The following GOLGA4 variants were observed in gnomAD, a reference collection of about 807,000 sequenced individuals.
GOLGA4 encodes the protein golgin subfamily A member 4.
GOLGA4 carries 169 observed loss-of-function variants against 265.9 expected under a neutral mutation model. That is an observed-to-expected ratio of 0.64 (90% CI 0.56 to 0.72). GOLGA4 has a LOEUF of 0.72. Among genes scored for constraint, GOLGA4 ranks in the 30% least tolerant of loss-of-function variants. GOLGA4 has a pLI of 0.00. For synonymous variants in GOLGA4, 923 were observed against 855.8 expected, an observed-to-expected ratio of 1.08 and a Z score of -1.37; for missense variants, 2,482 against 2,483.4, an observed-to-expected ratio of 1.00 and a Z score of 0.01.
chr3:37,295,198 T>A (rs1190673913), intron 6 of GOLGA4, 121 bp downstream of exon 6: 4 of 539,950 alleles, frequency 7.4e-6, no homozygotes, highest in Non-Finnish European at 1.3e-5. Flanking sequence ...TTTAAAACTT[T>A]TTGCTTTCCT....
chr3:37,332,911 A>G (rs762442137), intron 16 of GOLGA4, among the ~76,000 whole-genome samples: 12 of 151,762 alleles, frequency 7.9e-5, no homozygotes, highest in Non-Finnish European at 1.6e-4. Context: ...ACTCATATAT[A>G]TTTGTTACTT....
chr3:37,363,951 T>G (rs992563762), intron 23 of GOLGA4, among the ~76,000 whole-genome samples: 2 of 152,316 alleles, frequency 1.3e-5, no homozygotes, highest in Admixed American at 1.3e-4. Context: ...GGTTTCAAAA[T>G]AAAAACTGAC....
intron 21 of GOLGA4, 108 bp downstream of exon 21, chr3:37,347,404 A>T: frequency 1.6e-6 from 1 of 618,134 alleles, no homozygotes; most frequent in Non-Finnish European, 2.9e-6. Flanking sequence ...CAAATCAGAC[A>T]TGCTAATAGT....
rs539946767 is a variant in GOLGA4, at chr3:37,357,605, T to G, written c.6663+2418T>G. Among the ~76,000 whole-genome samples, 3 of 152,312 alleles carry G rather than the reference T, an allele frequency of 2.0e-5. No individual in the cohort carries two copies. In the East Asian group the frequency reaches 5.8e-4, roughly 29 times the overall value. On this transcript the variant is annotated intron_variant, in intron 22 of 23. Transcript: ENST00000361924. Reference sequence around the variant, plus strand: ...ACTTTTGTCAATTTAAGGAGATTCTTGATACTTGATAATGTGACTCATGAT... The same window carrying G: ...ACTTTTGTCAATTTAAGGAGATTCTGGATACTTGATAATGTGACTCATGAT...
intron 2 of GOLGA4, among the ~76,000 whole-genome samples, chr3:37,253,183 G>A (rs565868471): frequency 3.9e-5 from 6 of 151,976 alleles, no homozygotes; most frequent in Non-Finnish European, 7.4e-5. Flanking sequence ...CTTGAGCCTC[G>A]GAGGTCGAAG....
chr3:37,306,885 A>T (rs1328186225), intron 10 of GOLGA4, among the ~76,000 whole-genome samples: 1 of 152,146 alleles, frequency 6.6e-6, no homozygotes, highest in Non-Finnish European at 1.5e-5. Context: ...TTTGAGATAT[A>T]GCTTATTAGA....
intron 1 of GOLGA4, chr3:37,249,642 C>G (rs1578329466): frequency 2.6e-5 from 4 of 152,290 alleles, no homozygotes; most frequent in African/African-American, 9.6e-5. Flanking sequence ...CTTAAGGTGA[C>G]TTCTGCACAT....
chr3:37,252,034 A>G (rs1232784597), intron 2 of GOLGA4, among the ~76,000 whole-genome samples: 2 of 152,244 alleles, frequency 1.3e-5, no homozygotes, highest in Non-Finnish European at 2.9e-5. Context: ...AATTTGTTCA[A>G]CATAGCATCA....
chr3:37,315,460 A>C lies in GOLGA4; in HGVS notation c.1275A>C (p.Lys425Asn). The C allele has an allele frequency of 6.2e-7, 1 of 1,614,074 alleles. No individual in the cohort carries two copies. Among genetic ancestry groups the C allele is most frequent in the South Asian group, 1.1e-5 (1 of 91,064 alleles). Residue 425 changes from lysine to asparagine, a missense_variant, in exon 11 of 24, where the codon AAA (lysine) becomes AAC (asparagine). By Grantham distance (94) the Lys-to-Asn change is moderately conservative. Coordinates refer to ENST00000361924, the MANE Select transcript of GOLGA4 (RefSeq NM_002078.5). Reference protein sequence around the residue: ...ELEKALSTAQKTEEARRKLKA... With the variant: ...ELEKALSTAQNTEEARRKLKA... ...AAAAAGCTTTGAGTACAGCCCAAAA[A>C]ACAGAGGAAGCACGGAGAAAACTGA...
chr3:37,323,239 A>G (rs987086720), intron 13 of GOLGA4, among the ~76,000 whole-genome samples: 10 of 150,526 alleles, frequency 6.6e-5, no homozygotes, highest in African/African-American at 2.4e-4. Context: ...GGATTCCCCA[A>G]CCTCAGCCTC....
chr3:37,272,618 TAATC>T (rs1258473852), intron 2 of GOLGA4, among the ~76,000 whole-genome samples: 8 of 152,190 alleles, frequency 5.3e-5, no homozygotes, highest in Non-Finnish European at 8.8e-5. Flanking sequence ...TCAAACTACT[TAATC>T]AATGTTCAAA....
intron 2 of GOLGA4, among the ~76,000 whole-genome samples, chr3:37,258,017 A>G (rs1356888214): frequency 1.7e-5 from 1 of 59,914 alleles, no homozygotes; most frequent in Non-Finnish European, 3.6e-5. Context: ...ATACATATAT[A>G]TATGTATGTA....
intron 9 of GOLGA4, among the ~76,000 whole-genome samples, chr3:37,301,316 G>A (rs988363035): frequency 6.6e-6 from 1 of 152,206 alleles, no homozygotes; most frequent in Non-Finnish European, 1.5e-5. Flanking sequence ...CTAGCAAGTT[G>A]GAGGAATGGA....
At chr3:37,353,323 C>T (rs1197755043) in intron 21 of GOLGA4, among the ~76,000 whole-genome samples, 2 of 152,002 alleles carry the variant, frequency 1.3e-5, no homozygotes, top group South Asian at 4.1e-4. Flanking sequence ...TCCCACACAC[C>T]TTCAATCTGC....
chr3:37,291,159 C>T (rs1244963898), intron 5 of GOLGA4, among the ~76,000 whole-genome samples: 1 of 152,010 alleles, frequency 6.6e-6, no homozygotes, highest in Non-Finnish European at 1.5e-5. Flanking sequence ...GTTTTAATGC[C>T]TAAAACCTGA....
intron 2 of GOLGA4, among the ~76,000 whole-genome samples, chr3:37,267,656 TTTTC>T (rs1399596807): frequency 1.3e-5 from 2 of 152,222 alleles, no homozygotes; most frequent in African/African-American, 4.8e-5. Flanking sequence ...GGATTGAGGT[TTTTC>T]TTTCTTTTTT....
intron 1 of GOLGA4, among the ~76,000 whole-genome samples, chr3:37,251,109 C>G (rs1360849046): frequency 6.6e-6 from 1 of 152,124 alleles, no homozygotes; most frequent in Non-Finnish European, 1.5e-5. Flanking sequence ...TATCATCTTA[C>G]ACTAGTATCG....
In GOLGA4 at chr3:37,337,703, C is replaced by G. The variant is rs373316909; in HGVS notation, c.6365C>G (p.Ser2122Trp). Residue 2122 changes from serine to tryptophan, a missense_variant, in exon 19 of 24, where the codon TCG (serine) becomes TGG (tryptophan). Ser to Trp is a radical substitution (Grantham distance 177). Around this residue, in one of 3 missense-constraint regions of GOLGA4, gnomAD observed 942 missense variants for 983.1 expected, o/e 0.96. Transcript: ENST00000361924. ...LAQKTTLISD[S>W]KLKEQEFREQ... ...CAGAAGACGACTTTAATCAGTGATTCGAAATTGAAAGAGCAAGAGTTCAGA... is the reference window on the plus strand; with the variant it reads ...CAGAAGACGACTTTAATCAGTGATTGGAAATTGAAAGAGCAAGAGTTCAGA... 3.8e-5 allele frequency: 62 copies of G among 1,611,556 alleles called. No homozygotes were observed. The highest frequency in any genetic ancestry group is 5.0e-5 in the Non-Finnish European group (59 of 1,177,720).
At chr3:37,329,364 T>A (rs762514184) in intron 16 of GOLGA4, 5 of 210,032 alleles carry the variant, frequency 2.4e-5, no homozygotes, top group Admixed American at 1.8e-4. Context: ...AAAGGAAGAA[T>A]AGATTCTTTC....
Sources: gnomAD v4.1 joint callset for allele counts (sites outside exome capture counted in the v4.1 genomes callset) on GRCh38, gnomAD v4.1.1 for gene constraint, gnomAD v4.1.1 regional missense constraint, MANE v1.5 for transcripts, NCBI Gene and HGNC (gene_info 2026-07-23, HGNC 2026-07-21) for gene names.